The following KITLG variants were observed in gnomAD, a reference collection of about 807,000 sequenced individuals.
KITLG encodes KIT ligand, also known as c-Kit ligand.
KITLG carries 13 observed loss-of-function variants against 34.1 expected under a neutral mutation model. That is an observed-to-expected ratio of 0.38 (90% confidence interval 0.25 to 0.61). The LOEUF is 0.61. KITLG is among the 20% of genes least tolerant of loss of function. The pLI, the probability that KITLG is intolerant of heterozygous loss-of-function variation, is 0.60. For synonymous variants in KITLG, 110 were observed against 104.0 expected (o/e 1.06, Z -0.35); for missense variants, 292 against 318.9 (o/e 0.92, Z 0.64).
chr12:88,535,334 C>A (rs1870269406), intron 2 of KITLG, among the ~76,000 whole-genome samples: 1 of 152,114 alleles, frequency 6.6e-6, no homozygotes, highest in African/African-American at 2.4e-5. Flanking sequence ...TCTGGTGAGA[C>A]TGAAAAATAA....
intron 1 of KITLG, among the ~76,000 whole-genome samples, chr12:88,567,147 A>G (rs1871470090): frequency 6.6e-6 from 1 of 152,068 alleles, no homozygotes; most frequent in South Asian, 2.1e-4. Context: ...ATATATATAT[A>G]TTTGTTTTTC....
chr12:88,505,119 TAAAAAAAAGA>T (rs1411701697), intron 9 of KITLG, 30 bp downstream of exon 9: 1 of 1,076,598 alleles, frequency 9.3e-7, no homozygotes, highest in Non-Finnish European at 1.4e-6. Context: ...TAAAGTATAA[TAAAAAAAAGA>T]AAAAAAAAGG....
intron 9 of KITLG, 62 bp downstream of exon 9, chr12:88,505,097 T>TA (rs1869007195): frequency 1.2e-6 from 1 of 838,186 alleles, no homozygotes; most frequent in Non-Finnish European, 2.0e-6. Flanking sequence ...TGTGCACATG[T>TA]ACCCTAGAAC....
intron 2 of KITLG, chr12:88,534,776 A>T (rs1870246141): frequency 2.3e-6 from 1 of 443,730 alleles, no homozygotes; most frequent in South Asian, 1.7e-5. Context: ...TCTTCCTCTC[A>T]AACTTTCCAC....
intron 3 of KITLG, among the ~76,000 whole-genome samples, chr12:88,526,529 G>T (rs1869873322): frequency 6.6e-6 from 1 of 152,100 alleles, no homozygotes; most frequent in African/African-American, 2.4e-5. Context: ...CATCCATGAG[G>T]CACTGAGAAT....
rs115451491 is a variant in KITLG at position 88,499,724 on chromosome 12, T to C, written c.*38-2543A>G. Among the ~76,000 whole-genome samples the C allele has an allele frequency of 1.5e-3, 226 of 152,328 alleles. 1 individual carries two copies. Among genetic ancestry groups the C allele is most frequent in the African/African-American group, 5.3e-3 (219 of 41,578 alleles). ...CCATAGTCTCCAAATCATTCTTGAG[T>C]TCTGCCTGTGATGCCAAGTCTCACA... On this transcript the variant is annotated intron_variant, in intron 9 of 9. Transcript: ENST00000644744.
chr12:88,534,524 A>C (rs1200009495), intron 2 of KITLG, among the ~76,000 whole-genome samples: 1 of 151,504 alleles, frequency 6.6e-6, no homozygotes, highest in African/African-American at 2.4e-5. Context: ...GCACCACTAC[A>C]CCTGGCTAAT....
chr12:88,533,581 G>A (rs1419050402), intron 2 of KITLG, among the ~76,000 whole-genome samples: 1 of 152,106 alleles, frequency 6.6e-6, no homozygotes. Context: ...GCCAACAACT[G>A]ACTTAGACCA....
chr12:88,539,298 A>G (rs930700026), intron 2 of KITLG, among the ~76,000 whole-genome samples: 1 of 151,692 alleles, frequency 6.6e-6, no homozygotes, highest in Non-Finnish European at 1.5e-5. Flanking sequence ...GTTATCTATG[A>G]CTCCCTTGAC....
intron 6 of KITLG, among the ~76,000 whole-genome samples, chr12:88,508,386 A>G (rs1421360646): frequency 2.0e-5 from 3 of 152,230 alleles, no homozygotes; most frequent in Non-Finnish European, 2.9e-5. Context: ...GGGAAAAATT[A>G]ATTCATAGAT....
rs540576691 is a variant in KITLG at position 88,531,394 on chromosome 12, T to C, written c.192+1047A>G. Among the ~76,000 whole-genome samples, 169 of 152,330 alleles carry C rather than the reference T, an allele frequency of 1.1e-3. 2 individuals carry two copies. The highest frequency in any genetic ancestry group is 4.0e-3 in the African/African-American group (166 of 41,588). On this transcript the variant is annotated intron_variant, in intron 3 of 9. Coordinates refer to ENST00000644744, the MANE Select transcript of KITLG (RefSeq NM_000899.5). Reference sequence around the variant, plus strand: ...CATAGGGCATTAGTTACATTTGTAATGTTTCATTATTAAAAATATATTTGA... The same window carrying C: ...CATAGGGCATTAGTTACATTTGTAACGTTTCATTATTAAAAATATATTTGA...
At chr12:88,531,979 T>C (rs1014839040) in intron 3 of KITLG, among the ~76,000 whole-genome samples, 1 of 152,140 alleles carries the variant, frequency 6.6e-6, no homozygotes, top group Non-Finnish European at 1.5e-5. Context: ...TAGTTCCAAA[T>C]TCCTGGAACT....
At chr12:88,529,251 T>C (rs1021804621) in intron 3 of KITLG, among the ~76,000 whole-genome samples, 3 of 152,190 alleles carry the variant, frequency 2.0e-5, no homozygotes, top group Non-Finnish European at 2.9e-5. Flanking sequence ...AATGAAGGTG[T>C]GTGGCAACAA....
intron 1 of KITLG, among the ~76,000 whole-genome samples, chr12:88,564,013 A>AT (rs1871371213): frequency 6.6e-6 from 1 of 152,092 alleles, no homozygotes; most frequent in Non-Finnish European, 1.5e-5. Context: ...GAAGGAGATG[A>AT]TTTTTTACAA....
chr12:88,515,958 G>A (rs1869440485), intron 5 of KITLG, among the ~76,000 whole-genome samples: 1 of 151,774 alleles, frequency 6.6e-6, no homozygotes, highest in South Asian at 2.1e-4. Flanking sequence ...CAGAGTAACT[G>A]GGGAGGATCA....
At chr12:88,577,875 C>T (rs1871882932) in intron 1 of KITLG, among the ~76,000 whole-genome samples, 1 of 152,138 alleles carries the variant, frequency 6.6e-6, no homozygotes, top group Non-Finnish European at 1.5e-5. Flanking sequence ...AATCAAACCC[C>T]ATTTTAAAAT....
intron 1 of KITLG, among the ~76,000 whole-genome samples, chr12:88,577,736 A>C (rs1037933541): frequency 1.3e-5 from 2 of 152,220 alleles, no homozygotes; most frequent in Non-Finnish European, 2.9e-5. Flanking sequence ...AAGTGTACCA[A>C]CATGCTAAAT....
At chr12:88,540,538 A>G (rs778793242) in intron 2 of KITLG, among the ~76,000 whole-genome samples, 26 of 152,096 alleles carry the variant, frequency 1.7e-4, no homozygotes, top group Non-Finnish European at 4.4e-5. Context: ...GGTGGCTTAC[A>G]CCTGTAATCC....
At chr12:88,537,038 G>T (rs555387557) in intron 2 of KITLG, among the ~76,000 whole-genome samples, 64 of 152,164 alleles carry the variant, frequency 4.2e-4, no homozygotes, top group African/African-American at 1.4e-3. Context: ...AAAAGGGAAT[G>T]CATATACACT....
Sources: allele counts gnomAD v4.1 joint callset (sites outside exome capture counted in the v4.1 genomes callset), GRCh38; gene constraint gnomAD v4.1.1; transcripts MANE v1.5; gene names NCBI Gene and HGNC (gene_info 2026-07-23, HGNC 2026-07-21).